AGPS: variants seen among roughly 807,000 people sequenced by gnomAD.
AGPS encodes the protein alkylglycerone phosphate synthase, also known as alkyldihydroxyacetonephosphate synthase, peroxisomal.
In AGPS, 26 loss-of-function variants were observed where a neutral mutation model predicts 90.7. That is an observed-to-expected ratio of 0.29 (90% CI 0.21 to 0.40). The LOEUF is 0.40. Among genes scored for constraint, AGPS ranks in the 10% least tolerant of loss-of-function variants. The probability of loss-of-function intolerance (pLI) is 1.00; values close to 1 mark genes in which losing one functional copy is unlikely to be tolerated. For synonymous variants in AGPS, 294 were observed against 285.3 expected (o/e 1.03, Z -0.31); for missense variants, 540 against 816.1 (o/e 0.66, Z 4.12).
intron 10 of AGPS, among the ~76,000 whole-genome samples, chr2:177,475,792 T>TG (rs1687763913): frequency 6.6e-6 from 1 of 151,910 alleles, no homozygotes; most frequent in African/African-American, 2.4e-5. Flanking sequence ...TTTTTATTTT[T>TG]GGGGGTTTAT....
chr2:177,534,826 T>G (rs988028434), intron 19 of AGPS, among the ~76,000 whole-genome samples: 8 of 42,970 alleles, frequency 1.9e-4, no homozygotes, highest in Admixed American at 1.1e-3. Context: ...CTTGAACTCC[T>G]GGGCTTAAAT....
intron 3 of AGPS, among the ~76,000 whole-genome samples, chr2:177,435,023 A>ATATATATATATG (rs912295185): frequency 1.6e-4 from 24 of 147,008 alleles, no homozygotes; most frequent in African/African-American, 5.7e-4. Flanking sequence ...ATATATATAT[A>ATATATATATATG]TGTATGAAAC....
At chr2:177,480,161 C>T (rs1330669542) in intron 10 of AGPS, among the ~76,000 whole-genome samples, 1 of 152,098 alleles carries the variant, frequency 6.6e-6, no homozygotes, top group Non-Finnish European at 1.5e-5. Flanking sequence ...GCCTGGGCAA[C>T]AAGAGCGAAA....
chr2:177,423,036 A>T lies in AGPS; in HGVS notation c.350+2678A>T, dbSNP rs1277859864. Among the ~76,000 whole-genome samples the T allele has an allele frequency of 2.7e-5, 2 of 73,568 alleles. 1 individual carries two copies. Among genetic ancestry groups the T allele is most frequent in the African/African-American group, 7.7e-5 (2 of 26,098 alleles). The allele number at this position is 73,568 out of a possible 152,430, so 48.3% of individuals were successfully genotyped here. On this transcript the variant is annotated intron_variant, in intron 2 of 19. Coordinates refer to ENST00000264167, the MANE Select transcript of AGPS (RefSeq NM_003659.4). ...TAGTGGTAAATTGGGATTAAAAACC[A>T]GGTGTTTTTTTAAACTTCATTCTTC...
intron 10 of AGPS, among the ~76,000 whole-genome samples, chr2:177,474,239 A>T (rs1050732486): frequency 2.0e-5 from 3 of 152,216 alleles, no homozygotes; most frequent in East Asian, 3.8e-4. Flanking sequence ...CAAAGGCAAC[A>T]CTATTGCTAC....
Position 177,538,277 on chromosome 2 carries a change from T to C in AGPS, c.*82T>C, listed in dbSNP as rs2079201777. ...GTTATACTAGTAATCAAATATATCA[T>C]GGACTATATTTTGGATACATTTGTT... On this transcript the variant is annotated 3_prime_UTR_variant, in exon 20 of 20. Coordinates refer to ENST00000264167, the MANE Select transcript of AGPS (RefSeq NM_003659.4). 4 of 1,376,272 alleles carry C rather than the reference T, an allele frequency of 2.9e-6. No individual in the cohort carries two copies. In the African/African-American group the frequency reaches 4.3e-5, roughly 15 times the overall value. 85.3% of individuals were successfully genotyped at this position (1,376,272 alleles called of 1,614,324 possible).
chr2:177,402,110 T>C (rs191812438), intron 1 of AGPS, among the ~76,000 whole-genome samples: 1 of 152,270 alleles, frequency 6.6e-6, no homozygotes, highest in Admixed American at 6.5e-5. Context: ...TTAAGTATGT[T>C]AGAAGGTGAT....
intron 9 of AGPS, among the ~76,000 whole-genome samples, chr2:177,467,867 C>T (rs894259286): frequency 6.6e-6 from 1 of 152,148 alleles, no homozygotes; most frequent in Admixed American, 6.5e-5. Context: ...ATGAGTCACA[C>T]ATCTCTTTCC....
intron 10 of AGPS, among the ~76,000 whole-genome samples, chr2:177,479,280 C>G (rs554254536): frequency 2.6e-5 from 4 of 152,242 alleles, no homozygotes; most frequent in African/African-American, 9.6e-5. Context: ...GCTTTTGTCC[C>G]ACAGTTGGGG....
chr2:177,399,454 C>A (rs1328829886), intron 1 of AGPS, among the ~76,000 whole-genome samples: 1 of 152,108 alleles, frequency 6.6e-6, no homozygotes, highest in Non-Finnish European at 1.5e-5. Flanking sequence ...TCAGAATCAA[C>A]TGAGAGATAA....
chr2:177,532,879 C>G (rs1364667165), intron 19 of AGPS, among the ~76,000 whole-genome samples: 1 of 152,102 alleles, frequency 6.6e-6, no homozygotes, highest in Non-Finnish European at 1.5e-5. Context: ...AAATCCATCC[C>G]AAAAGGTTAC....
intron 8 of AGPS, among the ~76,000 whole-genome samples, chr2:177,452,704 A>G (rs1290919881): frequency 6.6e-6 from 1 of 151,862 alleles, no homozygotes; most frequent in Admixed American, 6.6e-5. Context: ...TAAATCTGTC[A>G]TCTTGCTATT....
intron 8 of AGPS, among the ~76,000 whole-genome samples, chr2:177,454,283 C>T (rs950169441): frequency 6.6e-6 from 1 of 151,846 alleles, no homozygotes; most frequent in Non-Finnish European, 1.5e-5. Flanking sequence ...GTTCCTGTTG[C>T]TATGTCTTGA....
intron 19 of AGPS, among the ~76,000 whole-genome samples, chr2:177,524,165 G>A (rs978504110): frequency 2.6e-5 from 4 of 152,134 alleles, no homozygotes; most frequent in East Asian, 3.8e-4. Context: ...AGCCACTATC[G>A]GAATGTAGCT....
At chr2:177,423,631 G>C (rs1415446691) in intron 2 of AGPS, among the ~76,000 whole-genome samples, 9 of 152,174 alleles carry the variant, frequency 5.9e-5, no homozygotes, top group Non-Finnish European at 1.5e-5. Context: ...TGAAAAGGTA[G>C]ATTTTTATAC....
chr2:177,535,976 G>T (rs11887532), intron 19 of AGPS, among the ~76,000 whole-genome samples: 1 of 151,254 alleles, frequency 6.6e-6, no homozygotes, highest in Admixed American at 6.6e-5. Context: ...ATAAACCATA[G>T]AAAATTTGAC....
At chr2:177,477,139 A>C (rs996772169) in intron 10 of AGPS, among the ~76,000 whole-genome samples, 6 of 151,900 alleles carry the variant, frequency 3.9e-5, no homozygotes, top group Non-Finnish European at 8.8e-5. Context: ...TTCACATTTA[A>C]TGTTATTATT....
At position 177,471,109 on chromosome 2, in the gene AGPS, T is replaced by C. The variant is rs16865294; in HGVS notation, c.1105+2585T>C. 4.0e-3 allele frequency among the ~76,000 whole-genome samples: 612 copies of C among 152,262 alleles called. 6 individuals carry two copies. Among genetic ancestry groups the C allele is most frequent in the East Asian group, 0.033 (169 of 5,190 alleles). On this transcript the variant is annotated intron_variant, in intron 10 of 19. Transcript: ENST00000264167. ...CCCATTTCAGTTTGTGAATATAGAG[T>C]TATTTTAATATAGGCCAGGAGACAG...
intron 4 of AGPS, 43 bp downstream of exon 4, chr2:177,436,927 A>T (rs372372429): frequency 6.2e-7 from 1 of 1,610,920 alleles, no homozygotes; most frequent in Admixed American, 1.7e-5. Flanking sequence ...TAACAAAAAA[A>T]TTCTATATTT....
Sources: allele counts gnomAD v4.1 joint callset (sites outside exome capture counted in the v4.1 genomes callset), GRCh38; gene constraint gnomAD v4.1.1; transcripts MANE v1.5; gene names NCBI Gene and HGNC (gene_info 2026-07-23, HGNC 2026-07-21).